Variants in CLSTN2 observed in about 807,000 individuals in gnomAD.
CLSTN2 encodes the protein calsyntenin-2.
CLSTN2 carries 48 observed loss-of-function variants against 101.2 expected under a neutral mutation model. That is an observed-to-expected ratio of 0.47 (90% CI 0.38 to 0.60). The LOEUF (loss-of-function observed/expected upper bound fraction) is 0.60, where lower values mean the gene tolerates loss of function less well. Among genes scored for constraint, CLSTN2 ranks in the 20% least tolerant of loss-of-function variants. CLSTN2 has a pLI of 0.00. For synonymous variants in CLSTN2, 481 were observed against 463.6 expected (o/e 1.04, Z -0.48); for missense variants, 1,160 against 1,238.2 (o/e 0.94, Z 0.95).
intron 5 of CLSTN2, among the ~76,000 whole-genome samples, chr3:140,444,599 C>T (rs944368992): frequency 6.6e-6 from 1 of 152,136 alleles, no homozygotes; most frequent in African/African-American, 2.4e-5. Flanking sequence ...TCATTGATTT[C>T]CTCTTATGTC....
At chr3:140,483,401 G>GA (rs1379218839) in intron 8 of CLSTN2, among the ~76,000 whole-genome samples, 3 of 152,138 alleles carry the variant, frequency 2.0e-5, no homozygotes, top group Admixed American at 6.5e-5. Context: ...GTGTGGTGCT[G>GA]AAAAAAATGT....
intron 1 of CLSTN2, among the ~76,000 whole-genome samples, chr3:140,124,157 G>C (rs2009392176): frequency 6.6e-6 from 1 of 152,144 alleles, no homozygotes; most frequent in Non-Finnish European, 1.5e-5. Flanking sequence ...ATCCTAGGGA[G>C]AGGAAAAGCA....
At chr3:140,487,462 C>T (rs1343355845) in intron 8 of CLSTN2, among the ~76,000 whole-genome samples, 1 of 152,192 alleles carries the variant, frequency 6.6e-6, no homozygotes, top group Non-Finnish European at 1.5e-5. Context: ...TTGACCTCCC[C>T]TTCTCTGTAT....
chr3:140,264,735 G>T (rs2086681651), intron 2 of CLSTN2, among the ~76,000 whole-genome samples: 1 of 152,036 alleles, frequency 6.6e-6, no homozygotes, highest in Non-Finnish European at 1.5e-5. Context: ...CAGGAGCATG[G>T]GACAGAGAGA....
intron 2 of CLSTN2, among the ~76,000 whole-genome samples, chr3:140,304,118 G>A (rs1422950936): frequency 6.6e-6 from 1 of 152,140 alleles, no homozygotes; most frequent in African/African-American, 2.4e-5. Context: ...CTCGCAGTGG[G>A]AAGATGAAAT....
chr3:140,193,475 A>G (rs893859998), intron 2 of CLSTN2, among the ~76,000 whole-genome samples: 1 of 151,580 alleles, frequency 6.6e-6, no homozygotes, highest in African/African-American at 2.4e-5. Context: ...CCTTCCTTCT[A>G]GCCTTTTTTA....
intron 1 of CLSTN2, among the ~76,000 whole-genome samples, chr3:139,939,038 G>A (rs1362204625): frequency 6.6e-6 from 1 of 152,054 alleles, no homozygotes; most frequent in Non-Finnish European, 1.5e-5. Context: ...AAAATTTTAA[G>A]AGAGTGGCAG....
intron 8 of CLSTN2, among the ~76,000 whole-genome samples, chr3:140,531,898 C>G (rs1433508169): frequency 1.3e-5 from 2 of 152,202 alleles, no homozygotes; most frequent in Non-Finnish European, 2.9e-5. Flanking sequence ...TCCTTGGTTC[C>G]TGATCAGCCT....
intron 2 of CLSTN2, among the ~76,000 whole-genome samples, chr3:140,329,096 C>T (rs1397490312): frequency 2.6e-5 from 4 of 152,212 alleles, no homozygotes; most frequent in Admixed American, 2.6e-4. Context: ...ATCTGAAAGA[C>T]TTCCTGTTGG....
chr3:140,098,911 G>T (rs1456290999), intron 1 of CLSTN2, among the ~76,000 whole-genome samples: 2 of 152,174 alleles, frequency 1.3e-5, no homozygotes, highest in African/African-American at 4.8e-5. Flanking sequence ...CACTGTCCAG[G>T]CCAGATCACA....
At chr3:140,277,623 G>A (rs559130017) in intron 2 of CLSTN2, among the ~76,000 whole-genome samples, 53 of 152,198 alleles carry the variant, frequency 3.5e-4, no homozygotes, top group African/African-American at 1.1e-3. Flanking sequence ...TTATACCAAC[G>A]ATTAATTTTT....
At chr3:140,268,671 CCA>C (rs1269714921) in intron 2 of CLSTN2, among the ~76,000 whole-genome samples, 1 of 152,196 alleles carries the variant, frequency 6.6e-6, no homozygotes, top group Non-Finnish European at 1.5e-5. Context: ...CAGTATCCAG[CCA>C]CAGTGCTGAC....
chr3:139,947,068 T>A (rs1935226702), intron 1 of CLSTN2, among the ~76,000 whole-genome samples: 1 of 152,220 alleles, frequency 6.6e-6, no homozygotes, highest in Admixed American at 6.5e-5. Context: ...CACACTATAT[T>A]CCACAAACCA....
rs191065075 is a variant in CLSTN2 at position 140,156,306 on chromosome 3, T to G, written c.110-19645T>G. On this transcript the variant is annotated intron_variant, in intron 1 of 16. Transcript: ENST00000458420. ...GTTCTACGATGTTTCAATTACAATT[T>G]ACTCTAAATCAACCACTGCTAGATA... is the stretch of plus-strand genomic sequence containing the variant. 6.6e-5 allele frequency among the ~76,000 whole-genome samples: 10 copies of G among 152,352 alleles called. No individual in the cohort carries two copies. In the South Asian group the frequency reaches 1.9e-3, roughly 28 times the overall value.
chr3:140,306,459 T>G (rs2087114837), intron 2 of CLSTN2, among the ~76,000 whole-genome samples: 2 of 152,000 alleles, frequency 1.3e-5, no homozygotes, highest in South Asian at 4.2e-4. Flanking sequence ...TATGCTGTGG[T>G]CTTGGGTAAG....
intron 10 of CLSTN2, among the ~76,000 whole-genome samples, chr3:140,554,883 T>A (rs1310780269): frequency 6.6e-6 from 1 of 152,210 alleles, no homozygotes; most frequent in Non-Finnish European, 1.5e-5. Context: ...GTGTGATACA[T>A]TATGTATGAG....
chr3:139,984,054 A>T (rs1935981607), intron 1 of CLSTN2, among the ~76,000 whole-genome samples: 1 of 152,186 alleles, frequency 6.6e-6, no homozygotes, highest in African/African-American at 2.4e-5. Flanking sequence ...CCACAAATTG[A>T]TCTGCCTCTT....
intron 2 of CLSTN2, among the ~76,000 whole-genome samples, chr3:140,343,245 C>A (rs1297946283): frequency 1.3e-5 from 2 of 152,138 alleles, no homozygotes; most frequent in East Asian, 1.9e-4. Flanking sequence ...CGAAAACTAC[C>A]CCCTAGCTCT....
chr3:140,421,062 T>G (rs1424233553), intron 4 of CLSTN2, 63 bp from the exon 5 acceptor site: 2 of 1,536,410 alleles, frequency 1.3e-6, no homozygotes, highest in East Asian at 4.5e-5. Flanking sequence ...GAGAAGAGAT[T>G]TGGGAGAAGT....
Sources: gnomAD v4.1 joint callset for allele counts (sites outside exome capture counted in the v4.1 genomes callset) on GRCh38, gnomAD v4.1.1 for gene constraint, MANE v1.5 for transcripts, NCBI Gene and HGNC (gene_info 2026-07-23, HGNC 2026-07-21) for gene names.